The following KCNK12 variants were observed in gnomAD, a reference collection of about 807,000 sequenced individuals.
The protein encoded by KCNK12 is potassium channel subfamily K member 12.
A neutral mutation model predicts 25.3 loss-of-function variants in KCNK12; 6 were observed. The observed-to-expected ratio is 0.24, with a 90% CI of 0.13 to 0.47. The LOEUF (loss-of-function observed/expected upper bound fraction) is 0.47, where lower values mean the gene tolerates loss of function less well. Ranked by LOEUF, KCNK12 falls within the 20% of genes least tolerant of loss-of-function variation. KCNK12 has a pLI of 0.99. For synonymous variants in KCNK12, 331 were observed against 311.1 expected (o/e 1.06, Z -0.67); for missense variants, 444 against 661.7 (o/e 0.67, Z 3.61).
In KCNK12 at chr2:47,557,911, T is replaced by C. The variant is rs999977410; in HGVS notation, c.391+12030A>G. On this transcript the variant is annotated intron_variant, in intron 1 of 1. Transcript: ENST00000327876. The surrounding 1 kb of genome is among the most constrained non-coding windows in gnomAD (Gnocchi z 4.9). Reference sequence around the variant, plus strand: ...GGACTTCATGCAGCTGCTGGGTTCCTGACATTGGTTACAAGTTACATCTCT... The same window carrying C: ...GGACTTCATGCAGCTGCTGGGTTCCCGACATTGGTTACAAGTTACATCTCT... 6.6e-6 allele frequency among the ~76,000 whole-genome samples: 1 copy of C among 152,244 alleles called. No homozygotes were observed. Among genetic ancestry groups the C allele is most frequent in the Non-Finnish European group, 1.5e-5 (1 of 68,040 alleles).
At chr2:47,553,545 C>T (rs17568644) in intron 1 of KCNK12, among the ~76,000 whole-genome samples, 6,319 of 152,218 alleles carry the variant, frequency 0.042, 162 homozygotes, top group South Asian at 0.08. Context: ...AGGGACTTCA[C>T]AATTATCTGG....
At chr2:47,521,875 GGGGTGT>G in intron 1 of KCNK12, 67 bp from the exon 2 acceptor site, 1 of 1,295,882 alleles carries the variant, frequency 7.7e-7, no homozygotes, top group Non-Finnish European at 1.0e-6. Flanking sequence ...GCGAGGGTGG[GGGGTGT>G]GGGGGCGGGG....
intron 1 of KCNK12, chr2:47,535,268 T>C (rs573768812): frequency 3.4e-5 from 8 of 233,068 alleles, no homozygotes; most frequent in Non-Finnish European, 6.8e-5. Context: ...GAGCTGTGTG[T>C]CTGCTCTGCT....
In KCNK12 at chr2:47,555,119, T is replaced by G. The variant is rs1484550206; in HGVS notation, c.391+14822A>C. 6.6e-6 allele frequency among the ~76,000 whole-genome samples: 1 copy of G among 152,230 alleles called. No homozygotes were observed. Among genetic ancestry groups the G allele is most frequent in the African/African-American group, 2.4e-5 (1 of 41,472 alleles). ...AGTTTTGATACATATTGAATATCCA[T>G]GTGGAGATGTCAAGTGGGCAGTTGG... On this transcript the variant is annotated intron_variant, in intron 1 of 1. Transcript: ENST00000327876. The surrounding 1 kb of genome is among the most constrained non-coding windows in gnomAD (Gnocchi z 4.5).
Position 47,562,148 on chromosome 2 carries a change from G to A in KCNK12, c.391+7793C>T. 1 of 398,634 alleles carries A rather than the reference G, an allele frequency of 2.5e-6. No individual in the cohort carries two copies. Among genetic ancestry groups the A allele is most frequent in the Non-Finnish European group, 4.4e-6 (1 of 226,078 alleles). The allele number at this position is 398,634 out of a possible 1,614,324, so 24.7% of individuals were successfully genotyped here. The stretch of plus-strand genomic sequence containing the variant: ...AGCTCATGAGGAATGCAGACTGTCA[G>A]GTCCCACCCCAGACCTACTCAACAG... On this transcript the variant is annotated intron_variant, in intron 1 of 1. Coordinates refer to ENST00000327876, the MANE Select transcript of KCNK12 (RefSeq NM_022055.2). The surrounding 1 kb of genome is among the most constrained non-coding windows in gnomAD (Gnocchi z 4.8).
chr2:47,536,757 G>A (rs751567882), intron 1 of KCNK12, among the ~76,000 whole-genome samples: 3 of 152,192 alleles, frequency 2.0e-5, no homozygotes, highest in Non-Finnish European at 4.4e-5. Context: ...GGTGATTTAT[G>A]GAGGACTTAA....
chr2:47,531,146 A>C (rs531818937), intron 1 of KCNK12, among the ~76,000 whole-genome samples: 1 of 152,306 alleles, frequency 6.6e-6, no homozygotes, highest in East Asian at 1.9e-4. Flanking sequence ...TAGGAAAGAC[A>C]TATGGAAGAA....
At position 47,555,110 on chromosome 2, in the gene KCNK12, G is replaced by A. The variant is rs1669524892; in HGVS notation, c.391+14831C>T. 6.6e-6 allele frequency among the ~76,000 whole-genome samples: 1 copy of A among 152,216 alleles called. No homozygotes were observed. The highest frequency in any genetic ancestry group is 1.5e-5 in the Non-Finnish European group (1 of 68,036). On this transcript the variant is annotated intron_variant, in intron 1 of 1. Transcript: ENST00000327876. This position sits in a 1 kb window ranked among gnomAD's most constrained non-coding sequence, Gnocchi z 4.5. ...GCTTTTAAAAGTTTTGATACATATTGAATATCCATGTGGAGATGTCAAGTG... is the reference window on the plus strand; with the variant it reads ...GCTTTTAAAAGTTTTGATACATATTAAATATCCATGTGGAGATGTCAAGTG...
chr2:47,534,858 C>T (rs770089397), intron 1 of KCNK12: 1 of 194,680 alleles, frequency 5.1e-6, no homozygotes, highest in African/African-American at 2.3e-5. Flanking sequence ...TACCTCAATT[C>T]CTCTATCACA....
rs1319306403 is a variant in KCNK12, at chr2:47,540,061, G to C, written c.392-18253C>G. Reference sequence around the variant, plus strand: ...CAGCACTGCCTTACAGATGGTTGTGGGGATCAGAGGGGAGGGGACAGCTGG... The same window carrying C: ...CAGCACTGCCTTACAGATGGTTGTGCGGATCAGAGGGGAGGGGACAGCTGG... On this transcript the variant is annotated intron_variant, in intron 1 of 1. Transcript: ENST00000327876. This position sits in a 1 kb window ranked among gnomAD's most constrained non-coding sequence, Gnocchi z 5.4. Among the ~76,000 whole-genome samples, 1 of 152,204 alleles carries C rather than the reference G, an allele frequency of 6.6e-6. No homozygotes were observed. The highest frequency in any genetic ancestry group is 1.5e-5 in the Non-Finnish European group (1 of 68,036).
rs549661023 is a variant in KCNK12 at position 47,563,035 on chromosome 2, C to T, written c.391+6906G>A. On this transcript the variant is annotated intron_variant, in intron 1 of 1. Coordinates refer to ENST00000327876, the MANE Select transcript of KCNK12 (RefSeq NM_022055.2). ...TGGGGGTGACACAGGAATAGACCAA[C>T]GGCCTTTTGTTGTTTCCAAGATCCT... 28 of 233,360 alleles carry T rather than the reference C, an allele frequency of 1.2e-4. No homozygotes were observed. The South Asian group carries it at 4.0e-3, about 33-fold the overall frequency. 14.5% of individuals were successfully genotyped at this position (233,360 alleles called of 1,614,324 possible). A position where few individuals can be genotyped will look rare whatever the true frequency, so the allele number is the denominator to read the frequency against.
chr2:47,542,270 G>A (rs1669217941), intron 1 of KCNK12, among the ~76,000 whole-genome samples: 1 of 152,164 alleles, frequency 6.6e-6, no homozygotes, highest in South Asian at 2.1e-4. Flanking sequence ...TGGTCTTCCT[G>A]AGGATGCTCA....
rs1669844269 is a variant in KCNK12 at position 47,569,462 on chromosome 2, A to G, written c.391+479T>C. ...GGCAAGTGGTCACCCTCTCCAGGGT[A>G]AAGGAGTTAGAGGCCACTGAGGGAG... On this transcript the variant is annotated intron_variant, in intron 1 of 1. Coordinates refer to ENST00000327876, the MANE Select transcript of KCNK12 (RefSeq NM_022055.2). The surrounding 1 kb of genome is among the most constrained non-coding windows in gnomAD (Gnocchi z 4.1). Among the ~76,000 whole-genome samples the G allele has an allele frequency of 6.6e-6, 1 of 151,856 alleles. No individual in the cohort carries two copies. The highest frequency in any genetic ancestry group is 1.5e-5 in the Non-Finnish European group (1 of 67,958).
In KCNK12 at chr2:47,555,264, C is replaced by T. The variant is rs1669528528; in HGVS notation, c.391+14677G>A. ...CATCCCCAAATATGTCACTTTAGCA[C>T]AAGGATTGTTTTGAGCTGCAGGCAA... On this transcript the variant is annotated intron_variant, in intron 1 of 1. Transcript: ENST00000327876. This position sits in a 1 kb window ranked among gnomAD's most constrained non-coding sequence, Gnocchi z 4.5. 6.6e-6 allele frequency among the ~76,000 whole-genome samples: 1 copy of T among 152,178 alleles called. No individual in the cohort carries two copies. Among genetic ancestry groups the T allele is most frequent in the Non-Finnish European group, 1.5e-5 (1 of 68,028 alleles).
In KCNK12 at chr2:47,512,568, T is replaced by C; in HGVS notation, c.*8339A>G. 3.0e-6 allele frequency: 3 copies of C among 1,005,810 alleles called. No homozygotes were observed. In the East Asian group the frequency reaches 7.9e-5, roughly 26 times the overall value. The allele number at this position is 1,005,810 out of a possible 1,614,324, so 62.3% of individuals were successfully genotyped here. ...GAAAGGGGTCAGGAATATAACTTTC[T>C]CTGCCCAGATTCCAGGACTTACAGT... On this transcript the variant is annotated 3_prime_UTR_variant, in exon 2 of 2. Coordinates refer to ENST00000327876, the MANE Select transcript of KCNK12 (RefSeq NM_022055.2).
At chr2:47,522,007 G>A (rs72812323) in intron 1 of KCNK12, among the ~76,000 whole-genome samples, 199 bp from the exon 2 acceptor site, 18,575 of 152,212 alleles carry the variant, frequency 0.12, 1,309 homozygotes, top group Non-Finnish European at 0.16. Flanking sequence ...GATCTTGGCA[G>A]CCCCTAAACT....
intron 1 of KCNK12, among the ~76,000 whole-genome samples, chr2:47,535,761 G>A (rs772814029): frequency 2.6e-4 from 39 of 152,106 alleles, no homozygotes; most frequent in Non-Finnish European, 5.0e-4. Context: ...TAGGTTCAGA[G>A]AATGCAACTG....
intron 1 of KCNK12, among the ~76,000 whole-genome samples, chr2:47,542,193 T>A (rs561638520): frequency 6.6e-6 from 1 of 152,318 alleles, no homozygotes; most frequent in Non-Finnish European, 1.5e-5. Context: ...TCATACCACT[T>A]CTGTCGAGGC....
rs1330616215 is a variant in KCNK12, at chr2:47,570,016, G to C, written c.316C>G (p.Arg106Gly). The change falls in exon 1 of 2, where the codon CGC becomes GGC. Residue 106 changes from arginine (R) to glycine (G), a missense_variant. Around this residue, in one of 8 missense-constraint regions of KCNK12, gnomAD observed 106 missense variants for 142.2 expected, o/e 0.75. Coordinates refer to ENST00000327876, the MANE Select transcript of KCNK12 (RefSeq NM_022055.2). ...HYEAALAAGV[R>G]ADALRPRWDF... ...CAGCGCGGGCGCAGCGCGTCGGCGC[G>C]GACGCCGGCGGCCAGCGCGGCCTCG... The C allele has an allele frequency of 5.6e-6, 8 of 1,426,938 alleles. No individual in the cohort carries two copies. Among genetic ancestry groups the C allele is most frequent in the South Asian group, 1.5e-5 (1 of 67,918 alleles). The allele number at this position is 1,426,938 out of a possible 1,614,324, so 88.4% of individuals were successfully genotyped here.
Sources: gnomAD v4.1 joint callset for allele counts (sites outside exome capture counted in the v4.1 genomes callset) on GRCh38, gnomAD v4.1.1 for gene constraint, gnomAD v4.1.1 regional missense constraint, Gnocchi (gnomAD v3.1) non-coding constraint, MANE v1.5 for transcripts, NCBI Gene and HGNC (gene_info 2026-07-23, HGNC 2026-07-21) for gene names.